Variants in SH3RF1 observed in about 807,000 individuals in gnomAD.
SH3RF1 encodes E3 ubiquitin-protein ligase SH3RF1.
A neutral mutation model predicts 74.0 loss-of-function variants in SH3RF1; 32 were observed. The ratio of observed to expected loss-of-function variants is 0.43; its 90% CI spans 0.33 to 0.58. SH3RF1 has a LOEUF of 0.58. Among genes scored for constraint, SH3RF1 ranks in the 20% least tolerant of loss-of-function variants. The probability of loss-of-function intolerance (pLI) is 0.05; values close to 1 mark genes in which losing one functional copy is unlikely to be tolerated. For synonymous variants in SH3RF1, 396 were observed against 439.6 expected, an observed-to-expected ratio of 0.90 and a Z score of 1.24; for missense variants, 954 against 1,130.9, an observed-to-expected ratio of 0.84 and a Z score of 2.24.
chr4:169,238,796 C>A (rs1435838889), intron 2 of SH3RF1, among the ~76,000 whole-genome samples: 2 of 152,176 alleles, frequency 1.3e-5, no homozygotes, highest in African/African-American at 2.4e-5. Flanking sequence ...ATAAAGAATT[C>A]TCTTATTATT....
intron 2 of SH3RF1, among the ~76,000 whole-genome samples, chr4:169,245,441 A>G (rs576768522): frequency 6.6e-6 from 1 of 152,308 alleles, no homozygotes; most frequent in South Asian, 2.1e-4. Context: ...ATCCATCTAA[A>G]TTTATCTATA....
At chr4:169,247,800 G>GA (rs947742789) in intron 2 of SH3RF1, among the ~76,000 whole-genome samples, 7 of 146,796 alleles carry the variant, frequency 4.8e-5, no homozygotes, top group Admixed American at 4.1e-4. Context: ...AAATTTACAA[G>GA]AAAAAAACGA....
In SH3RF1 at chr4:169,176,697, T is replaced by C. The variant is rs940172145; in HGVS notation, c.394-20018A>G. ...CTGAGATTACAGGCATGCACCACCATGCCTGGCTAATTTTTCATATTTTTA... is the reference window on the plus strand; with the variant it reads ...CTGAGATTACAGGCATGCACCACCACGCCTGGCTAATTTTTCATATTTTTA... On this transcript the variant is annotated intron_variant, in intron 2 of 11. Coordinates refer to ENST00000284637, the MANE Select transcript of SH3RF1 (RefSeq NM_020870.4). Among the ~76,000 whole-genome samples the C allele has an allele frequency of 2.6e-5, 4 of 152,104 alleles. No individual in the cohort carries two copies. The South Asian group carries it at 8.3e-4, about 32-fold the overall frequency.
rs542758591 is a variant in SH3RF1, at chr4:169,116,356, G to A, written c.2052C>T (p.Thr684=). The change falls in exon 10 of 12, where the codon ACC becomes ACT. Residue 684 remains threonine (T), a synonymous_variant. Coordinates refer to ENST00000284637, the MANE Select transcript of SH3RF1 (RefSeq NM_020870.4). ...GAGATGTGGGGAGTCCAGGGAGAAC[G>A]GTCACTATCCGGCCACTGGGCTCAG... The part of the protein sequence containing the change: ...LEAEPSGRIV[T]VLPGLPTSPD... 1.3e-5 allele frequency: 21 copies of A among 1,614,158 alleles called. No homozygotes were observed. The highest frequency in any genetic ancestry group is 1.6e-4 in the Middle Eastern group (1 of 6,062).
intron 5 of SH3RF1, among the ~76,000 whole-genome samples, chr4:169,132,044 C>T (rs1257834465): frequency 6.6e-6 from 1 of 152,234 alleles, no homozygotes; most frequent in Non-Finnish European, 1.5e-5. Context: ...TGCTCCCACA[C>T]TGGCGTGTAC....
intron 2 of SH3RF1, among the ~76,000 whole-genome samples, chr4:169,253,998 TC>T (rs1731145701): frequency 6.6e-6 from 1 of 152,232 alleles, no homozygotes; most frequent in South Asian, 2.1e-4. Context: ...CAAGGGCCAT[TC>T]TCAAGAGAAT....
At chr4:169,131,495 T>G (rs1976543) in intron 5 of SH3RF1, among the ~76,000 whole-genome samples, 1 of 151,982 alleles carries the variant, frequency 6.6e-6, no homozygotes, top group Non-Finnish European at 1.5e-5. Context: ...ATTTTTCCTG[T>G]GAACCAAAGT....
intron 2 of SH3RF1, among the ~76,000 whole-genome samples, chr4:169,158,409 G>A (rs1318408409): frequency 6.6e-6 from 1 of 152,230 alleles, no homozygotes; most frequent in Non-Finnish European, 1.5e-5. Flanking sequence ...CATAAAGAAT[G>A]CAGTATTCCT....
chr4:169,118,274 T>A (rs1383693477), intron 8 of SH3RF1, among the ~76,000 whole-genome samples: 1 of 152,172 alleles, frequency 6.6e-6, no homozygotes, highest in African/African-American at 2.4e-5. Flanking sequence ...CTTGACATAT[T>A]GTAATCTCAT....
At chr4:169,099,617 T>C (rs1283462935) in intron 11 of SH3RF1, among the ~76,000 whole-genome samples, 1 of 152,222 alleles carries the variant, frequency 6.6e-6, no homozygotes, top group Non-Finnish European at 1.5e-5. Flanking sequence ...TCATGAGATA[T>C]ATTCCCTACT....
intron 2 of SH3RF1, among the ~76,000 whole-genome samples, chr4:169,206,643 T>G (rs188979379): frequency 6.6e-6 from 1 of 152,296 alleles, no homozygotes; most frequent in African/African-American, 2.4e-5. Flanking sequence ...CAAAGATAAA[T>G]TATACAGAGA....
At chr4:169,211,205 G>T (rs1730355642) in intron 2 of SH3RF1, among the ~76,000 whole-genome samples, 1 of 152,080 alleles carries the variant, frequency 6.6e-6, no homozygotes. Flanking sequence ...GCACGGTGTT[G>T]AGCACGGTGG....
At chr4:169,144,851 AG>A (rs1345914322) in intron 4 of SH3RF1, among the ~76,000 whole-genome samples, 2 of 152,150 alleles carry the variant, frequency 1.3e-5, no homozygotes, top group Non-Finnish European at 2.9e-5. Context: ...CAAGCATAAA[AG>A]TCATGGGGAT....
chr4:169,267,285 C>T (rs1731368976), intron 2 of SH3RF1, among the ~76,000 whole-genome samples: 1 of 152,164 alleles, frequency 6.6e-6, no homozygotes. Context: ...AACTAAGATA[C>T]AGTATTCCAG....
chr4:169,120,947 T>C lies in SH3RF1; in HGVS notation c.1389A>G (p.Glu463=), dbSNP rs1358058432. 1.2e-6 allele frequency: 2 copies of C among 1,614,036 alleles called. No homozygotes were observed. Among genetic ancestry groups the C allele is most frequent in the Admixed American group, 3.3e-5 (2 of 60,000 alleles). The change falls in exon 8 of 12, where the codon GAA becomes GAG. Residue 463 remains glutamate, a synonymous_variant. Coordinates refer to ENST00000284637, the MANE Select transcript of SH3RF1 (RefSeq NM_020870.4). ...IYPYTPRKED[E]LELRKGEMFL... is the part of the protein sequence containing the mutation. Reference sequence around the variant, plus strand: ...ACATCTCCCCTTTTCTCAGCTCTAGTTCATCCTCTTTCCGAGGAGTGTATG... The same window carrying C: ...ACATCTCCCCTTTTCTCAGCTCTAGCTCATCCTCTTTCCGAGGAGTGTATG...
chr4:169,151,185 C>A (rs536985804), intron 4 of SH3RF1, among the ~76,000 whole-genome samples: 5 of 152,144 alleles, frequency 3.3e-5, no homozygotes, highest in African/African-American at 7.2e-5. Flanking sequence ...TGCAAAGACC[C>A]TGCGGAACCG....
intron 4 of SH3RF1, among the ~76,000 whole-genome samples, chr4:169,139,342 A>G (rs1249933739): frequency 6.6e-6 from 1 of 152,196 alleles, no homozygotes; most frequent in Non-Finnish European, 1.5e-5. Context: ...ACAGGCATAA[A>G]AATAACACAG....
At chr4:169,254,963 G>A (rs1731162441) in intron 2 of SH3RF1, among the ~76,000 whole-genome samples, 2 of 152,226 alleles carry the variant, frequency 1.3e-5, no homozygotes, top group African/African-American at 4.8e-5. Context: ...TCAGGAAGAA[G>A]AGGTACAGGG....
At chr4:169,225,867 C>T (rs1193300426) in intron 2 of SH3RF1, among the ~76,000 whole-genome samples, 1 of 151,968 alleles carries the variant, frequency 6.6e-6, no homozygotes, top group African/African-American at 2.4e-5. Flanking sequence ...CCACCAACGA[C>T]AAGAAAACAG....
Sources: allele counts gnomAD v4.1 joint callset (sites outside exome capture counted in the v4.1 genomes callset), GRCh38; gene constraint gnomAD v4.1.1; transcripts MANE v1.5; gene names NCBI Gene and HGNC (gene_info 2026-07-23, HGNC 2026-07-21).